Variants in TNNT1 observed in about 807,000 individuals in gnomAD.
The protein encoded by TNNT1 is troponin T, slow skeletal muscle.
A neutral mutation model predicts 50.6 loss-of-function variants in TNNT1; 53 were observed. The observed-to-expected ratio is 1.05, with a 90% CI of 0.84 to 1.32. The LOEUF (loss-of-function observed/expected upper bound fraction) is 1.32. TNNT1 is among the 40% of genes most tolerant of loss of function. The pLI is 0.00. For synonymous variants in TNNT1, 142 were observed against 138.0 expected (o/e 1.03, Z -0.20); for missense variants, 348 against 381.7 (o/e 0.91, Z 0.74).
intron 12 of TNNT1, 21 bp from the exon 13 acceptor site, chr19:55,133,948 T>A (rs1007629218): frequency 1.2e-6 from 2 of 1,610,524 alleles, no homozygotes; most frequent in East Asian, 4.5e-5. Context: ...AGAAGACAGA[T>A]GCTGGGACAG....
At chr19:55,143,602 T>C (rs540060387) in intron 6 of TNNT1, among the ~76,000 whole-genome samples, 10 of 152,054 alleles carry the variant, frequency 6.6e-5, no homozygotes, top group Non-Finnish European at 1.5e-4. Context: ...CAGGGCGTCA[T>C]GTGTGGGAAT....
intron 12 of TNNT1, 48 bp from the exon 13 acceptor site, chr19:55,133,975 G>C: frequency 1.2e-6 from 2 of 1,601,182 alleles, no homozygotes; most frequent in Non-Finnish European, 1.7e-6. Context: ...GGGACGTGGG[G>C]ACGGGCCACC....
At chr19:55,142,753 G>A (rs919214961) in intron 6 of TNNT1, among the ~76,000 whole-genome samples, 1 of 149,912 alleles carries the variant, frequency 6.7e-6, no homozygotes, top group East Asian at 2.1e-4. Context: ...TCACCATGCC[G>A]GCCAAGCTGG....
chr19:55,142,968 AGCT>A lies in TNNT1; in HGVS notation c.129-1051_129-1049del, dbSNP rs375119052. Among the ~76,000 whole-genome samples the A allele has an allele frequency of 9.0e-4, 137 of 151,766 alleles. 1 individual carries two copies. Among genetic ancestry groups the A allele is most frequent in the Middle Eastern group, 6.8e-3 (2 of 294 alleles). ...CACTTGAGGTCAGGAGTTCAAAACC[AGCT>A]TGGGCATCATGGTGAAACCCCATCT... On this transcript the variant is annotated intron_variant, in intron 6 of 13. Transcript: ENST00000588981.
chr19:55,136,385 C>A (rs2085346303), intron 11 of TNNT1, among the ~76,000 whole-genome samples: 1 of 152,180 alleles, frequency 6.6e-6, no homozygotes, highest in African/African-American at 2.4e-5. Context: ...CCGGGCCCAG[C>A]CTGTAATTAT....
At chr19:55,148,787 A>G (rs1278111519) in intron 1 of TNNT1, among the ~76,000 whole-genome samples, 1 of 151,392 alleles carries the variant, frequency 6.6e-6, no homozygotes, top group Non-Finnish European at 1.5e-5. Context: ...GACCCCCCCA[A>G]TTCCTGATAC....
intron 3 of TNNT1, 137 bp from the exon 4 acceptor site, chr19:55,146,844 G>A: frequency 8.4e-7 from 1 of 1,185,764 alleles, no homozygotes; most frequent in East Asian, 2.6e-5. Flanking sequence ...TCCCCCTGGC[G>A]GTGCAGGGAT....
intron 5 of TNNT1, among the ~76,000 whole-genome samples, chr19:55,145,993 C>T (rs1159737741): frequency 4.6e-5 from 7 of 150,956 alleles, no homozygotes; most frequent in Non-Finnish European, 8.9e-5. Context: ...CCCCACCGCC[C>T]CCCCGCCCCC....
intron 1 of TNNT1, among the ~76,000 whole-genome samples, chr19:55,148,320 C>G (rs1051956058): frequency 6.6e-6 from 1 of 151,992 alleles, no homozygotes; most frequent in African/African-American, 2.4e-5. Flanking sequence ...CACCTGTCTC[C>G]CCTTTCACCT....
rs773910830 is a variant in TNNT1, at chr19:55,134,102, G to T, written c.714C>A (p.Phe238Leu). Reference protein sequence around the residue: ...DWIHQLESEKFDLMAKLKQQK... With the variant: ...DWIHQLESEKLDLMAKLKQQK... ...GCTGTTTCAGCTTCGCCATCAGGTCGAACTTCTCAGACTCCAGCTGGTGGA... is the reference window on the plus strand; with the variant it reads ...GCTGTTTCAGCTTCGCCATCAGGTCTAACTTCTCAGACTCCAGCTGGTGGA... The change falls in exon 12 of 14, where the codon TTC becomes TTA. Residue 238 changes from phenylalanine (F) to leucine (L), a missense_variant. Coordinates refer to ENST00000588981, the MANE Select transcript of TNNT1 (RefSeq NM_003283.6). 2 of 1,612,622 alleles carry T rather than the reference G, an allele frequency of 1.2e-6. No individual in the cohort carries two copies. The highest frequency in any genetic ancestry group is 1.7e-6 in the Non-Finnish European group (2 of 1,179,704).
chr19:55,146,386 C>T (rs1423150841), intron 5 of TNNT1, 48 bp downstream of exon 5: 8 of 1,334,496 alleles, frequency 6.0e-6, no homozygotes, highest in African/African-American at 1.5e-5. Flanking sequence ...TCGGGGGTCC[C>T]CCCGGGCCCC....
intron 9 of TNNT1, among the ~76,000 whole-genome samples, chr19:55,139,819 A>G (rs1188239262): frequency 6.6e-6 from 1 of 151,672 alleles, no homozygotes; most frequent in African/African-American, 2.4e-5. Context: ...AAAAATAATA[A>G]TAATAGTAAT....
intron 4 of TNNT1, 107 bp from the exon 5 acceptor site, chr19:55,146,573 G>T: frequency 8.4e-7 from 1 of 1,191,198 alleles, no homozygotes; most frequent in Non-Finnish European, 1.1e-6. Context: ...GCTGTTAGAG[G>T]ACCGGGAGCC....
Position 55,146,389 on chromosome 19 carries a change from C to A in TNNT1, c.106+45G>T, listed in dbSNP as rs531864401. The A allele has an allele frequency of 7.6e-5, 101 of 1,323,788 alleles. No individual in the cohort carries two copies. The South Asian group carries it at 1.4e-3, about 18-fold the overall frequency. The allele number at this position is 1,323,788 out of a possible 1,614,324, so 82.0% of individuals were successfully genotyped here. ...GGCCCGAGGATATCGGGGGTCCCCCCGGGCCCCCGACATCGGTCTCGGGAA... is the reference window on the plus strand; with the variant it reads ...GGCCCGAGGATATCGGGGGTCCCCCAGGGCCCCCGACATCGGTCTCGGGAA... On this transcript the variant is annotated intron_variant, in intron 5 of 13. Coordinates refer to ENST00000588981, the MANE Select transcript of TNNT1 (RefSeq NM_003283.6).
intron 13 of TNNT1, chr19:55,133,669 C>G (rs1046613755): frequency 5.0e-6 from 3 of 594,870 alleles, no homozygotes; most frequent in Non-Finnish European, 8.7e-6. Context: ...CAGAGCGAGA[C>G]GCAGTCTCAA....
In TNNT1 at chr19:55,140,197, T is replaced by C. The variant is rs190425916; in HGVS notation, c.387+686A>G. On this transcript the variant is annotated intron_variant, in intron 9 of 13. Transcript: ENST00000588981. ...AATCCAGGCCGGGCACGATGGCTCA[T>C]GCCTGTCATCCCAGCACTTTGGGAG... Among the ~76,000 whole-genome samples the C allele has an allele frequency of 2.1e-3, 319 of 152,026 alleles. 1 individual carries two copies. The highest frequency in any genetic ancestry group is 3.7e-3 in the Non-Finnish European group (249 of 67,974).
intron 1 of TNNT1, among the ~76,000 whole-genome samples, 178 bp downstream of exon 1, chr19:55,148,983 T>C (rs531379950): frequency 6.2e-4 from 94 of 152,132 alleles, no homozygotes; most frequent in Non-Finnish European, 1.2e-3. Flanking sequence ...CCTAGTATTT[T>C]CCCCTCTATC....
At chr19:55,148,815 C>T (rs913167129) in intron 1 of TNNT1, among the ~76,000 whole-genome samples, 1 of 151,982 alleles carries the variant, frequency 6.6e-6, no homozygotes, top group Non-Finnish European at 1.5e-5. Context: ...GTCTGAGGCC[C>T]CAAATCCTGA....
chr19:55,146,650 AG>A, intron 4 of TNNT1, 30 bp downstream of exon 4: 1 of 593,132 alleles, frequency 1.7e-6, no homozygotes, highest in Non-Finnish European at 2.5e-6. Context: ...CCCACCCCCC[AG>A]CTCCAGACCT....
Sources: gnomAD v4.1 joint callset for allele counts (sites outside exome capture counted in the v4.1 genomes callset) on GRCh38, gnomAD v4.1.1 for gene constraint, MANE v1.5 for transcripts, NCBI Gene and HGNC (gene_info 2026-07-23, HGNC 2026-07-21) for gene names.